Variants in PARD3 observed in about 807,000 individuals in gnomAD.
PARD3 encodes partitioning defective 3 homolog.
In PARD3, 75 loss-of-function variants were observed where a neutral mutation model predicts 155.4. The ratio of observed to expected loss-of-function variants is 0.48; its 90% CI spans 0.40 to 0.58. The LOEUF is 0.58. Among genes scored for constraint, PARD3 ranks in the 20% least tolerant of loss-of-function variants. PARD3 has a pLI of 0.00. For synonymous variants in PARD3, 576 were observed against 610.5 expected (o/e 0.94, Z 0.83); for missense variants, 1,642 against 1,721.7 (o/e 0.95, Z 0.82).
chr10:34,534,032 C>A (rs2083046050), intron 2 of PARD3, among the ~76,000 whole-genome samples: 1 of 152,102 alleles, frequency 6.6e-6, no homozygotes, highest in Admixed American at 6.6e-5. Flanking sequence ...TTCCACATAG[C>A]CAACGGGTTA....
intron 22 of PARD3, among the ~76,000 whole-genome samples, chr10:34,147,383 T>C (rs922150231): frequency 6.6e-6 from 1 of 152,068 alleles, no homozygotes; most frequent in Non-Finnish European, 1.5e-5. Flanking sequence ...ATGAGAAAAA[T>C]ATATCTTTAC....
chr10:34,308,966 A>C (rs1372331644), intron 20 of PARD3, among the ~76,000 whole-genome samples: 1 of 152,120 alleles, frequency 6.6e-6, no homozygotes, highest in Non-Finnish European at 1.5e-5. Context: ...AGCCATGATT[A>C]ACATGCTGGG....
intron 22 of PARD3, among the ~76,000 whole-genome samples, chr10:34,211,228 G>A: frequency 6.6e-6 from 1 of 152,158 alleles, no homozygotes; most frequent in East Asian, 1.9e-4. Context: ...GATGTGTCTA[G>A]GGTCGTAAAG....
At chr10:34,137,151 G>T (rs1266060333) in intron 22 of PARD3, among the ~76,000 whole-genome samples, 2 of 152,240 alleles carry the variant, frequency 1.3e-5, no homozygotes, top group East Asian at 3.9e-4. Context: ...AGGATGTGCA[G>T]GTTTGTTACC....
chr10:34,734,176 C>T (rs1029884123), intron 1 of PARD3, among the ~76,000 whole-genome samples: 6 of 151,910 alleles, frequency 3.9e-5, no homozygotes, highest in African/African-American at 1.5e-4. Flanking sequence ...ACTATAATGC[C>T]TTATCAGTTA....
chr10:34,543,984 G>A (rs981109003), intron 2 of PARD3, among the ~76,000 whole-genome samples: 7 of 152,176 alleles, frequency 4.6e-5, no homozygotes, highest in African/African-American at 1.4e-4. Context: ...AATTCTCACA[G>A]ATGATGGCAG....
chr10:34,119,703 G>C lies in PARD3; in HGVS notation c.3578C>G (p.Ser1193Trp). ...CTGCATCTGCACCTCCACGGACACC[G>C]AGTGTCGCCCGCTCTGCGTCGCCGG... The part of the protein sequence containing the change: ...ARPATQSGRH[S>W]VSVEVQMQRQ... The change falls in exon 24 of 25, where the codon TCG becomes TGG. Residue 1193 changes from serine (S) to tryptophan (W), a missense_variant. By Grantham distance (177) the Ser-to-Trp change is radical (BLOSUM62 -3). Transcript: ENST00000374788. The C allele has an allele frequency of 1.2e-6, 2 of 1,612,950 alleles. No individual in the cohort carries two copies. The highest frequency in any genetic ancestry group is 1.7e-6 in the Non-Finnish European group (2 of 1,179,598).
In PARD3 at chr10:34,334,562, T is replaced by C. The variant is rs191251836; in HGVS notation, c.2605+1637A>G. On this transcript the variant is annotated intron_variant, in intron 18 of 24. Transcript: ENST00000374788. Reference sequence around the variant, plus strand: ...AGTGAAGTGACGAAAGAAAAATAAGTGAAAATCTTTTCACTGTCTAATATT... The same window carrying C: ...AGTGAAGTGACGAAAGAAAAATAAGCGAAAATCTTTTCACTGTCTAATATT... 3.4e-4 allele frequency among the ~76,000 whole-genome samples: 52 copies of C among 151,854 alleles called. 1 individual carries two copies. Among genetic ancestry groups the C allele is most frequent in the Middle Eastern group, 6.8e-3 (2 of 294 alleles).
In PARD3 at chr10:34,427,885, G is replaced by A. The variant is rs114975146; in HGVS notation, c.714+22432C>T. ...GGAGGCGATGAAGGGGTAGGGGGAA[G>A]TGGCAACTACATAGCACAGACACAA... On this transcript the variant is annotated intron_variant, in intron 5 of 24. Coordinates refer to ENST00000374788, the MANE Select transcript of PARD3 (RefSeq NM_001184785.2). Among the ~76,000 whole-genome samples the A allele has an allele frequency of 2.8e-3, 430 of 152,288 alleles. 1 individual carries two copies. Among genetic ancestry groups the A allele is most frequent in the African/African-American group, 0.01 (419 of 41,558 alleles).
chr10:34,743,433 G>A (rs1051436433), intron 1 of PARD3, among the ~76,000 whole-genome samples: 6 of 152,150 alleles, frequency 3.9e-5, no homozygotes, highest in Non-Finnish European at 7.4e-5. Flanking sequence ...AATGTGGGAC[G>A]CATCTATCCT....
At chr10:34,373,993 G>A (rs2134658692) in intron 11 of PARD3, among the ~76,000 whole-genome samples, 1 of 152,134 alleles carries the variant, frequency 6.6e-6, no homozygotes, top group African/African-American at 2.4e-5. Flanking sequence ...ATTAATTTTT[G>A]TTTAGCACTA....
intron 22 of PARD3, among the ~76,000 whole-genome samples, chr10:34,269,373 C>T (rs566556419): frequency 2.0e-5 from 3 of 152,168 alleles, no homozygotes; most frequent in South Asian, 2.1e-4. Context: ...TTTAAGTTTG[C>T]TTTTTATTTG....
At chr10:34,341,185 A>G (rs1455514434) in intron 16 of PARD3, among the ~76,000 whole-genome samples, 5 of 2,412 alleles carry the variant, frequency 2.1e-3, no homozygotes, top group Admixed American at 0.031. Context: ...AGCACTCTGA[A>G]AAAAAAAAAA....
At chr10:34,159,433 C>A (rs1269357575) in intron 22 of PARD3, among the ~76,000 whole-genome samples, 2 of 152,034 alleles carry the variant, frequency 1.3e-5, no homozygotes, top group African/African-American at 4.8e-5. Flanking sequence ...GGATAACTAC[C>A]CATTAAATCA....
At chr10:34,281,845 G>A (rs2133921443) in intron 21 of PARD3, among the ~76,000 whole-genome samples, 1 of 152,056 alleles carries the variant, frequency 6.6e-6, no homozygotes, top group South Asian at 2.1e-4. Flanking sequence ...ATTTTTATAT[G>A]GAATTAGCCA....
At chr10:34,715,487 T>C (rs1462177505) in intron 1 of PARD3, among the ~76,000 whole-genome samples, 1 of 152,164 alleles carries the variant, frequency 6.6e-6, no homozygotes, top group Non-Finnish European at 1.5e-5. Context: ...CTCAAACTTG[T>C]TATCTGCTTG....
At chr10:34,704,596 T>C (rs2094335187) in intron 1 of PARD3, among the ~76,000 whole-genome samples, 1 of 152,056 alleles carries the variant, frequency 6.6e-6, no homozygotes, top group Non-Finnish European at 1.5e-5. Context: ...ACAAACGAGA[T>C]AAGCAATTTA....
chr10:34,679,529 T>C (rs2093773061), intron 2 of PARD3, among the ~76,000 whole-genome samples: 1 of 152,180 alleles, frequency 6.6e-6, no homozygotes, highest in South Asian at 2.1e-4. Context: ...TTGAAAACTC[T>C]CTTCTTCCAG....
chr10:34,416,323 T>C (rs1845672588), intron 5 of PARD3, among the ~76,000 whole-genome samples: 4 of 152,146 alleles, frequency 2.6e-5, no homozygotes, highest in Admixed American at 2.6e-4. Context: ...CTAGACTAGA[T>C]GCACTCTTAA....
Sources: allele counts gnomAD v4.1 joint callset (sites outside exome capture counted in the v4.1 genomes callset), GRCh38; gene constraint gnomAD v4.1.1; transcripts MANE v1.5; gene names NCBI Gene and HGNC (gene_info 2026-07-23, HGNC 2026-07-21).